Variants in XPNPEP3 observed in about 807,000 individuals in gnomAD.
XPNPEP3 encodes the protein X-prolyl aminopeptidase 3, also known as xaa-Pro aminopeptidase 3.
XPNPEP3 carries 41 observed loss-of-function variants against 60.0 expected under a neutral mutation model. The observed-to-expected ratio is 0.68, with a 90% CI of 0.53 to 0.89. The LOEUF (loss-of-function observed/expected upper bound fraction) is 0.89, where lower values mean the gene tolerates loss of function less well. Ranked by LOEUF, XPNPEP3 falls within the 40% of genes least tolerant of loss-of-function variation. The pLI is 0.00. For missense variants in XPNPEP3, 598 were observed against 638.9 expected, an observed-to-expected ratio of 0.94 and a Z score of 0.69; for synonymous variants, 212 against 223.2, an observed-to-expected ratio of 0.95 and a Z score of 0.45.
intron 7 of XPNPEP3, among the ~76,000 whole-genome samples, chr22:40,916,089 T>C (rs1394907330): frequency 6.6e-6 from 1 of 151,906 alleles, no homozygotes; most frequent in Non-Finnish European, 1.5e-5. Context: ...AGTCAGGAGT[T>C]CAAGACCAGC....
chr22:40,892,164 T>G (rs543998486), intron 4 of XPNPEP3, among the ~76,000 whole-genome samples: 1 of 152,208 alleles, frequency 6.6e-6, no homozygotes, highest in Non-Finnish European at 1.5e-5. Context: ...GGCACACTCT[T>G]GGCATTGGCA....
At chr22:40,905,287 A>G (rs2058150295) in intron 4 of XPNPEP3, among the ~76,000 whole-genome samples, 1 of 151,870 alleles carries the variant, frequency 6.6e-6, no homozygotes, top group Admixed American at 6.6e-5. Flanking sequence ...TCACTGTGTT[A>G]GCCAGGATGA....
chr22:40,857,272 C>G (rs2057906556), intron 1 of XPNPEP3, 27 bp downstream of exon 1: 1 of 1,613,380 alleles, frequency 6.2e-7, no homozygotes, highest in Admixed American at 1.7e-5. Flanking sequence ...ACGGTCTCCT[C>G]CCATGGTGTC....
At chr22:40,875,243 A>G (rs1404310460) in intron 2 of XPNPEP3, among the ~76,000 whole-genome samples, 1 of 152,046 alleles carries the variant, frequency 6.6e-6, no homozygotes, top group African/African-American at 2.4e-5. Flanking sequence ...CGGCATGATC[A>G]TATCTCACTG....
At chr22:40,909,051 T>A in intron 5 of XPNPEP3, 71 bp from the exon 6 acceptor site, 1 of 1,204,952 alleles carries the variant, frequency 8.3e-7, no homozygotes, top group South Asian at 1.2e-5. Context: ...AGGTATGGGC[T>A]GTTGAAGAGA....
At chr22:40,872,867 T>G (rs2058011796) in intron 2 of XPNPEP3, among the ~76,000 whole-genome samples, 1 of 151,972 alleles carries the variant, frequency 6.6e-6, no homozygotes, top group Non-Finnish European at 1.5e-5. Context: ...AAGACATTCA[T>G]CTCAAAAAAA....
intron 7 of XPNPEP3, chr22:40,917,611 G>A (rs1472169834): frequency 6.6e-6 from 1 of 151,734 alleles, no homozygotes; most frequent in Non-Finnish European, 1.5e-5. Context: ...GATAAATTCG[G>A]TCAGGCATTA....
intron 4 of XPNPEP3, 52 bp from the exon 5 acceptor site, chr22:40,907,535 T>TAAGCAACATAGA: frequency 6.4e-7 from 1 of 1,559,256 alleles, no homozygotes; most frequent in Non-Finnish European, 8.8e-7. Context: ...AATGTTTGAG[T>TAAGCAACATAGA]AAGCAACATA....
intron 4 of XPNPEP3, among the ~76,000 whole-genome samples, chr22:40,899,402 C>T (rs1016911985): frequency 2.0e-5 from 3 of 152,112 alleles, no homozygotes; most frequent in Non-Finnish European, 4.4e-5. Context: ...TTTGCTAGCT[C>T]GTGAAGTTCA....
intron 4 of XPNPEP3, among the ~76,000 whole-genome samples, chr22:40,906,972 A>G (rs991490119): frequency 2.0e-5 from 3 of 152,160 alleles, no homozygotes; most frequent in African/African-American, 7.2e-5. Context: ...AAGCCCCATT[A>G]TGGTCACTTA....
At chr22:40,898,286 G>A (rs1276535882) in intron 4 of XPNPEP3, among the ~76,000 whole-genome samples, 13 of 86,404 alleles carry the variant, frequency 1.5e-4, no homozygotes, top group Non-Finnish European at 2.3e-4. Flanking sequence ...TCGCTCTGTC[G>A]CCCAGGTCGG....
chr22:40,890,437 G>A (rs2058084309), intron 4 of XPNPEP3, among the ~76,000 whole-genome samples: 1 of 151,996 alleles, frequency 6.6e-6, no homozygotes, highest in South Asian at 2.1e-4. Flanking sequence ...TGCTTGGGAG[G>A]CTGAGGTAGG....
rs751714280 is a variant in XPNPEP3 at position 40,861,208 on chromosome 22, C to T, written c.64+3963C>T. 27 of 1,613,918 alleles carry T rather than the reference C, an allele frequency of 1.7e-5. No individual in the cohort carries two copies. The South Asian group carries it at 2.0e-4, about 12-fold the overall frequency. ...GATATACCTCCCTCATCATTGTCCA[C>T]GAAAGTATATTGAGATACATGTTTG... is the stretch of plus-strand genomic sequence containing the variant. On this transcript the variant is annotated intron_variant, in intron 1 of 9. Coordinates refer to ENST00000357137, the MANE Select transcript of XPNPEP3 (RefSeq NM_022098.4).
chr22:40,871,710 T>C (rs1330776566), intron 2 of XPNPEP3, among the ~76,000 whole-genome samples: 2 of 152,214 alleles, frequency 1.3e-5, no homozygotes, highest in African/African-American at 4.8e-5. Context: ...TCTTTGCATA[T>C]TGCTCTATTA....
At chr22:40,886,226 G>A (rs181258412) in intron 3 of XPNPEP3, 87 bp from the exon 4 acceptor site, 3 of 1,355,630 alleles carry the variant, frequency 2.2e-6, no homozygotes, top group Admixed American at 3.4e-5. Flanking sequence ...TTATAGTTTT[G>A]ACTCTTGTTC....
chr22:40,926,575 T>A lies in XPNPEP3; in HGVS notation c.*140T>A. 1 of 1,115,356 alleles carries A rather than the reference T, an allele frequency of 9.0e-7. No individual in the cohort carries two copies. Among genetic ancestry groups the A allele is most frequent in the Non-Finnish European group, 1.3e-6 (1 of 742,550 alleles). The allele number at this position is 1,115,356 out of a possible 1,614,324, so 69.1% of individuals were successfully genotyped here. A position where few individuals can be genotyped will look rare whatever the true frequency, so the allele number is the denominator to read the frequency against. ...AGCATAGCAGCTGTGTGAATGTATG[T>A]AATTGTGTGTGGGGGGTTTTTTGTT... On this transcript the variant is annotated 3_prime_UTR_variant, in exon 10 of 10. Coordinates refer to ENST00000357137, the MANE Select transcript of XPNPEP3 (RefSeq NM_022098.4).
At chr22:40,880,206 A>G (rs1170072129) in intron 2 of XPNPEP3, among the ~76,000 whole-genome samples, 2 of 152,112 alleles carry the variant, frequency 1.3e-5, no homozygotes, top group African/African-American at 4.8e-5. Context: ...GATATTTATT[A>G]TAGCAGCAAA....
intron 2 of XPNPEP3, among the ~76,000 whole-genome samples, chr22:40,871,503 C>T (rs867749047): frequency 2.0e-5 from 3 of 152,164 alleles, no homozygotes; most frequent in African/African-American, 2.4e-5. Flanking sequence ...GGAAACATCT[C>T]AATGCCTTTC....
chr22:40,869,068 A>G lies in XPNPEP3; in HGVS notation c.134A>G (p.Tyr45Cys). ...CCAGAAAGGAGGATTCCAAACCGAT[A>G]CTTAGGCCAGCCCAGCCCCTTTACA... ...PVPERRIPNR[Y>C]LGQPSPFTHP... The change falls in exon 2 of 10, where the codon TAC (tyrosine) becomes TGC (cysteine). Residue 45 changes from tyrosine (Y) to cysteine (C), a missense_variant. Tyr to Cys is a radical substitution (Grantham distance 194, BLOSUM62 -2). Coordinates refer to ENST00000357137, the MANE Select transcript of XPNPEP3 (RefSeq NM_022098.4). The G allele has an allele frequency of 6.2e-7, 1 of 1,614,058 alleles. No homozygotes were observed. The highest frequency in any genetic ancestry group is 1.1e-5 in the South Asian group (1 of 91,086).
Sources: allele counts gnomAD v4.1 joint callset (sites outside exome capture counted in the v4.1 genomes callset), GRCh38; gene constraint gnomAD v4.1.1; transcripts MANE v1.5; gene names NCBI Gene and HGNC (gene_info 2026-07-23, HGNC 2026-07-21).